IL1F10: variants seen among roughly 807,000 people sequenced by gnomAD.
IL1F10 encodes interleukin 1 family member 10.
A neutral mutation model predicts 13.1 loss-of-function variants in IL1F10; 13 were observed. The ratio of observed to expected loss-of-function variants is 0.99; its 90% CI spans 0.64 to 1.57. The LOEUF is 1.57. Among genes scored for constraint, IL1F10 ranks in the 40% most tolerant of loss-of-function variants. IL1F10 has a pLI of 0.00. For missense variants in IL1F10, 191 were observed against 184.1 expected (o/e 1.04, Z -0.22); for synonymous variants, 78 against 68.2 (o/e 1.14, Z -0.71).
intron 2 of IL1F10, among the ~76,000 whole-genome samples, chr2:113,072,986 G>A (rs12469822): frequency 0.47 from 71,822 of 152,110 alleles, 19,333 homozygotes; most frequent in South Asian, 0.67. Context: ...CAAAAAGTCT[G>A]TAAGTGGAGT....
At chr2:113,072,058 T>C (rs1685845137) in intron 1 of IL1F10, among the ~76,000 whole-genome samples, 1 of 152,194 alleles carries the variant, frequency 6.6e-6, no homozygotes, top group African/African-American at 2.4e-5. Context: ...GCCTGGCATT[T>C]ATACAGGGCC....
rs1179493067 is a variant in IL1F10 at position 113,072,669 on chromosome 2, C to T, written c.-28-42C>T. The T allele has an allele frequency of 2.8e-6, 4 of 1,433,580 alleles. No individual in the cohort carries two copies. The South Asian group carries it at 4.7e-5, about 17-fold the overall frequency. The allele number at this position is 1,433,580 out of a possible 1,614,324, so 88.8% of individuals were successfully genotyped here. On this transcript the variant is annotated intron_variant, in intron 1 of 4. Coordinates refer to ENST00000341010, the MANE Select transcript of IL1F10 (RefSeq NM_173161.3). The stretch of plus-strand genomic sequence containing the variant: ...CCCAGCACGTCTGCCTCTGGCTTCA[C>T]CCAGCCTCCTTTTCTAACTGCCCTT...
At position 113,075,203 on chromosome 2, in the gene IL1F10, A is replaced by T. The variant is rs1187770956; in HGVS notation, c.298A>T (p.Thr100Ser). Residue 100 changes from threonine (T) to serine (S), a missense_variant, in exon 5 of 5, where the codon ACC (threonine) becomes TCC (serine). Physicochemically the swap from Thr to Ser is moderately conservative, Grantham distance 58 (BLOSUM62 1). Coordinates refer to ENST00000341010, the MANE Select transcript of IL1F10 (RefSeq NM_173161.3). ...YKGGEEATRFTFFQSSSGSAF... is the reference protein window; with the variant it reads ...YKGGEEATRFSFFQSSSGSAF... Reference sequence around the variant, plus strand: ...AGGTGGTGAAGAGGCCACACGCTTCACCTTCTTCCAGAGCAGCTCAGGCTC... The same window carrying T: ...AGGTGGTGAAGAGGCCACACGCTTCTCCTTCTTCCAGAGCAGCTCAGGCTC... 6.2e-7 allele frequency: 1 copy of T among 1,613,840 alleles called. No individual in the cohort carries two copies. The highest frequency in any genetic ancestry group is 1.7e-5 in the Admixed American group (1 of 60,022).
intron 1 of IL1F10, 43 bp from the exon 2 acceptor site, chr2:113,072,668 A>G: frequency 7.1e-7 from 1 of 1,417,908 alleles, no homozygotes; most frequent in South Asian, 1.2e-5. Flanking sequence ...CTCTGGCTTC[A>G]CCCAGCCTCC....
At position 113,074,773 on chromosome 2, in the gene IL1F10, A is replaced by G; in HGVS notation, c.169A>G (p.Ile57Val). ...AGGCTTGGCCCGCACCAAGGTCCCC[A>G]TTTTCCTGGGGATCCAGGGAGGGAG... ...NRGLARTKVP[I>V]FLGIQGGSRC... The change falls in exon 4 of 5, where the codon ATT becomes GTT. Residue 57 changes from isoleucine (I) to valine (V), a missense_variant. Transcript: ENST00000341010. 6.2e-7 allele frequency: 1 copy of G among 1,613,846 alleles called. No individual in the cohort carries two copies. Among genetic ancestry groups the G allele is most frequent in the Non-Finnish European group, 8.5e-7 (1 of 1,179,892 alleles).
Position 113,075,324 on chromosome 2 carries a change from C to T in IL1F10, c.419C>T (p.Pro140Leu), listed in dbSNP as rs1685921453. ...QPVQLTKESE[P>L]SARTKFYFEQ... Reference sequence around the variant, plus strand: ...GTACAGCTCACCAAGGAGAGTGAGCCCTCAGCCCGTACCAAGTTTTACTTT... The same window carrying T: ...GTACAGCTCACCAAGGAGAGTGAGCTCTCAGCCCGTACCAAGTTTTACTTT... The change falls in exon 5 of 5, where the codon CCC becomes CTC. Residue 140 changes from proline (P) to leucine (L), a missense_variant. Pro to Leu is a moderately conservative substitution (Grantham distance 98, BLOSUM62 -3). Coordinates refer to ENST00000341010, the MANE Select transcript of IL1F10 (RefSeq NM_173161.3). 2 of 1,596,696 alleles carry T rather than the reference C, an allele frequency of 1.3e-6. No homozygotes were observed. The highest frequency in any genetic ancestry group is 2.7e-5 in the African/African-American group (2 of 74,656).
intron 1 of IL1F10, among the ~76,000 whole-genome samples, chr2:113,071,009 C>G (rs1685825948): frequency 6.6e-6 from 1 of 152,156 alleles, no homozygotes; most frequent in South Asian, 2.1e-4. Flanking sequence ...CTGAACACTT[C>G]ATTTAAAAAA....
chr2:113,075,119 C>G, intron 4 of IL1F10, 33 bp from the exon 5 acceptor site: 2 of 1,563,980 alleles, frequency 1.3e-6, no homozygotes, highest in Non-Finnish European at 1.7e-6. Flanking sequence ...CATCAGCACT[C>G]TCATTCTGCA....
Position 113,074,706 on chromosome 2 carries a change from T to C in IL1F10, c.119-17T>C, listed in dbSNP as rs1427149129. The C allele has an allele frequency of 1.2e-6, 2 of 1,613,206 alleles. No individual in the cohort carries two copies. Among genetic ancestry groups the C allele is most frequent in the African/African-American group, 1.3e-5 (1 of 75,024 alleles). The stretch of plus-strand genomic sequence containing the variant: ...GGGTTCCCTTGTCCCTTGACTCTTC[T>C]CTCTCTTCCCTCCTAGAGAAGATCT... On this transcript the variant is annotated splice_polypyrimidine_tract_variant and intron_variant, in intron 3 of 4. Coordinates refer to ENST00000341010, the MANE Select transcript of IL1F10 (RefSeq NM_173161.3).
intron 3 of IL1F10, 43 bp downstream of exon 3, chr2:113,074,457 GC>G (rs763014449): frequency 6.9e-7 from 1 of 1,449,116 alleles, no homozygotes; most frequent in Non-Finnish European, 9.7e-7. Flanking sequence ...TCTGCCATAG[GC>G]CCTCCCTTCT....
chr2:113,072,017 G>A (rs774233011), intron 1 of IL1F10, among the ~76,000 whole-genome samples: 21 of 152,178 alleles, frequency 1.4e-4, no homozygotes, highest in Non-Finnish European at 2.2e-4. Context: ...ATAACCCATC[G>A]GGAAGGAGCA....
At chr2:113,072,669 C>A (rs1179493067) in intron 1 of IL1F10, 42 bp from the exon 2 acceptor site, 2 of 1,433,576 alleles carry the variant, frequency 1.4e-6, no homozygotes, top group Non-Finnish European at 2.0e-6. Flanking sequence ...TCTGGCTTCA[C>A]CCAGCCTCCT....
In IL1F10 at chr2:113,072,554, G is replaced by A. The variant is rs1573247256; in HGVS notation, c.-28-157G>A. On this transcript the variant is annotated intron_variant, in intron 1 of 4. Coordinates refer to ENST00000341010, the MANE Select transcript of IL1F10 (RefSeq NM_173161.3). The stretch of plus-strand genomic sequence containing the variant: ...GGCAGAGCTGCCTGGAGCCTGCTGG[G>A]CTGGTGGAAGCCTTGGTGGATTCTG... The A allele has an allele frequency of 5.2e-6, 3 of 572,492 alleles. No homozygotes were observed. In the East Asian group the frequency reaches 9.3e-5, roughly 18 times the overall value. The allele number at this position is 572,492 out of a possible 1,614,324, so 35.5% of individuals were successfully genotyped here. A position where few individuals can be genotyped will look rare whatever the true frequency, so the allele number is the denominator to read the frequency against.
intron 4 of IL1F10, 24 bp downstream of exon 4, chr2:113,074,874 G>C (rs1344545206): frequency 6.2e-7 from 1 of 1,608,588 alleles, no homozygotes; most frequent in Non-Finnish European, 8.5e-7. Context: ...CCCCATTCTA[G>C]GGGACACTGC....
chr2:113,074,628 C>A, intron 3 of IL1F10, 95 bp from the exon 4 acceptor site: 1 of 1,480,228 alleles, frequency 6.8e-7, no homozygotes, highest in Non-Finnish European at 9.4e-7. Context: ...CAGGTGTGCC[C>A]ATGTCCAGTT....
rs764501844 is a variant in IL1F10, at chr2:113,074,356, A to G, written c.60A>G (p.Leu20=). Residue 20 remains leucine, a synonymous_variant, in exon 3 of 5, where the codon CTA becomes CTG. Transcript: ENST00000341010. ...YIIKYADQKA[L]YTRDGQLLVG... ...TTAAATATGCAGACCAGAAGGCTCT[A>G]TACACAAGAGATGGCCAGCTGCTGG... The G allele has an allele frequency of 6.2e-7, 1 of 1,613,718 alleles. No individual in the cohort carries two copies. The highest frequency in any genetic ancestry group is 2.2e-5 in the East Asian group (1 of 44,876).
At position 113,074,066 on chromosome 2, in the gene IL1F10, G is replaced by A. The variant is rs28928295; in HGVS notation, c.33-263G>A. Among the ~76,000 whole-genome samples the A allele has an allele frequency of 2.8e-3, 424 of 152,220 alleles. 7 individuals are homozygous for A. The highest frequency in any genetic ancestry group is 9.8e-3 in the African/African-American group (406 of 41,532). ...CTCTGTCAGAGGGCATTGGCTCTCCGTTCTCCTCTGAAGGCCTCCCCAAGC... is the reference window on the plus strand; with the variant it reads ...CTCTGTCAGAGGGCATTGGCTCTCCATTCTCCTCTGAAGGCCTCCCCAAGC... On this transcript the variant is annotated intron_variant, in intron 2 of 4. Coordinates refer to ENST00000341010, the MANE Select transcript of IL1F10 (RefSeq NM_173161.3).
chr2:113,075,107 T>C, intron 4 of IL1F10, 45 bp from the exon 5 acceptor site: 2 of 1,534,844 alleles, frequency 1.3e-6, no homozygotes, highest in Non-Finnish European at 1.8e-6. Flanking sequence ...GGCTAACACC[T>C]CCATCAGCAC....
At chr2:113,073,162 A>G (rs562515695) in intron 2 of IL1F10, among the ~76,000 whole-genome samples, 7 of 152,344 alleles carry the variant, frequency 4.6e-5, no homozygotes, top group Admixed American at 3.9e-4. Flanking sequence ...AATCTCAATG[A>G]CAGCATCTTG....
Sources: gnomAD v4.1 joint callset for allele counts (sites outside exome capture counted in the v4.1 genomes callset) on GRCh38, gnomAD v4.1.1 for gene constraint, MANE v1.5 for transcripts, NCBI Gene and HGNC (gene_info 2026-07-23, HGNC 2026-07-21) for gene names.